PLB1: variants seen among roughly 807,000 people sequenced by gnomAD.
The protein encoded by PLB1 is phospholipase B1.
PLB1 carries 242 observed loss-of-function variants against 227.4 expected under a neutral mutation model. That is an observed-to-expected ratio of 1.06 (90% CI 0.96 to 1.18). The LOEUF is 1.18. Among genes scored for constraint, PLB1 ranks in the 50% most tolerant of loss-of-function variants. The pLI, the probability that PLB1 is intolerant of heterozygous loss-of-function variation, is 0.00. For missense variants in PLB1, 1,858 were observed against 1,816.3 expected (o/e 1.02, Z -0.42); for synonymous variants, 757 against 682.2 (o/e 1.11, Z -1.71).
intron 2 of PLB1, among the ~76,000 whole-genome samples, chr2:28,517,701 G>T (rs933048845): frequency 6.6e-6 from 1 of 152,010 alleles, no homozygotes; most frequent in Non-Finnish European, 1.5e-5. Flanking sequence ...TTTAGTCAAG[G>T]TATCTTGAGT....
intron 26 of PLB1, among the ~76,000 whole-genome samples, chr2:28,586,897 G>A (rs1319049859): frequency 6.6e-6 from 1 of 152,172 alleles, no homozygotes; most frequent in East Asian, 1.9e-4. Flanking sequence ...ACAGGTGTGT[G>A]CCACCACACC....
intron 23 of PLB1, 60 bp from the exon 24 acceptor site, chr2:28,582,008 C>A: frequency 6.7e-7 from 1 of 1,501,730 alleles, no homozygotes. Flanking sequence ...GAAAGTAGCC[C>A]TGTTCTGTAG....
At chr2:28,619,529 T>G (rs945044797) in intron 46 of PLB1, among the ~76,000 whole-genome samples, 9 of 151,618 alleles carry the variant, frequency 5.9e-5, no homozygotes, top group Non-Finnish European at 8.8e-5. Context: ...GTTTTGTTTT[T>G]TTTTTTTTTT....
chr2:28,579,944 G>C (rs1463132265), intron 23 of PLB1, among the ~76,000 whole-genome samples: 1 of 152,216 alleles, frequency 6.6e-6, no homozygotes, highest in East Asian at 1.9e-4. Flanking sequence ...TATCAAGGGA[G>C]CTTGATCATA....
intron 56 of PLB1, among the ~76,000 whole-genome samples, chr2:28,637,708 T>C (rs1689531612): frequency 6.6e-6 from 1 of 152,222 alleles, no homozygotes; most frequent in South Asian, 2.1e-4. Flanking sequence ...CTGCACCACC[T>C]GTGGTGTTAC....
intron 32 of PLB1, among the ~76,000 whole-genome samples, chr2:28,593,474 A>G (rs902524537): frequency 6.6e-6 from 1 of 152,208 alleles, no homozygotes; most frequent in African/African-American, 2.4e-5. Context: ...GCGTGTCCTC[A>G]GCTCAGCGAG....
chr2:28,508,139 C>G (rs1667835609), intron 1 of PLB1, among the ~76,000 whole-genome samples: 1 of 152,208 alleles, frequency 6.6e-6, no homozygotes, highest in South Asian at 2.1e-4. Flanking sequence ...TTCAAAGAGA[C>G]TTTGGTCTCA....
chr2:28,581,929 C>T, intron 23 of PLB1, 139 bp from the exon 24 acceptor site: 1 of 726,936 alleles, frequency 1.4e-6, no homozygotes, highest in South Asian at 1.9e-5. Flanking sequence ...CCACTGCACT[C>T]CAGCCCGGGA....
intron 20 of PLB1, among the ~76,000 whole-genome samples, chr2:28,568,262 A>C (rs1195155118): frequency 2.6e-5 from 4 of 152,202 alleles, no homozygotes; most frequent in African/African-American, 9.6e-5. Context: ...GGGATGGCCC[A>C]ATGTATGCAA....
intron 21 of PLB1, among the ~76,000 whole-genome samples, chr2:28,576,441 G>A (rs1420819182): frequency 6.6e-6 from 1 of 152,200 alleles, no homozygotes; most frequent in Non-Finnish European, 1.5e-5. Context: ...TGATAAAACT[G>A]AGCTTCAGCC....
intron 20 of PLB1, among the ~76,000 whole-genome samples, chr2:28,572,887 A>T (rs1189682167): frequency 6.6e-6 from 1 of 152,230 alleles, no homozygotes; most frequent in East Asian, 1.9e-4. Context: ...TTCAATTGGT[A>T]AATTTTATGG....
chr2:28,598,932 A>C (rs1683424101), intron 35 of PLB1, among the ~76,000 whole-genome samples, 172 bp downstream of exon 35: 1 of 152,198 alleles, frequency 6.6e-6, no homozygotes, highest in African/African-American at 2.4e-5. Context: ...TAGGCCAGAG[A>C]GGCTGTGGCC....
chr2:28,581,935 C>T (rs1293443508), intron 23 of PLB1, 133 bp from the exon 24 acceptor site: 30 of 763,254 alleles, frequency 3.9e-5, no homozygotes, highest in South Asian at 3.5e-4. Context: ...CACTCCAGCC[C>T]GGGAGACAGA....
At chr2:28,559,978 C>T (rs979654356) in intron 17 of PLB1, among the ~76,000 whole-genome samples, 4 of 152,082 alleles carry the variant, frequency 2.6e-5, no homozygotes, top group African/African-American at 7.2e-5. Flanking sequence ...TCTGAAACTC[C>T]TGACCTCAGG....
rs767792209 is a variant in PLB1 at position 28,529,793 on chromosome 2, C to T, written c.468+14C>T. 1.9e-6 allele frequency: 3 copies of T among 1,613,558 alleles called. No homozygotes were observed. In the African/African-American group the frequency reaches 4.0e-5, roughly 22 times the overall value. Reference sequence around the variant, plus strand: ...AAAGAGAACCTGGTAAGCATCCGTCCAACTCTGGCATGGCTGGGCTGCCTG... The same window carrying T: ...AAAGAGAACCTGGTAAGCATCCGTCTAACTCTGGCATGGCTGGGCTGCCTG... On this transcript the variant is annotated intron_variant, in intron 8 of 57. Coordinates refer to ENST00000327757, the MANE Select transcript of PLB1 (RefSeq NM_153021.5).
At chr2:28,603,067 C>G in intron 39 of PLB1, 146 bp downstream of exon 39, 1 of 687,998 alleles carries the variant, frequency 1.5e-6, no homozygotes, top group Non-Finnish European at 2.4e-6. Context: ...AGAACGTCCC[C>G]TTCCAGAGGC....
chr2:28,597,329 C>G (rs999915905), intron 33 of PLB1, among the ~76,000 whole-genome samples: 1 of 149,980 alleles, frequency 6.7e-6, no homozygotes, highest in Non-Finnish European at 1.5e-5. Flanking sequence ...AAAAGAGACA[C>G]AGAAGAAAAA....
At chr2:28,548,319 G>C (rs1044236147) in intron 14 of PLB1, among the ~76,000 whole-genome samples, 4 of 152,212 alleles carry the variant, frequency 2.6e-5, no homozygotes, top group African/African-American at 9.7e-5. Context: ...CGATGCATTT[G>C]CCCTTCCTTC....
At chr2:28,533,716 G>A (rs1432727399) in intron 9 of PLB1, among the ~76,000 whole-genome samples, 2 of 152,136 alleles carry the variant, frequency 1.3e-5, no homozygotes, top group Non-Finnish European at 2.9e-5. Context: ...TTTTTAAAAT[G>A]TATGAATGCA....
Sources: allele counts gnomAD v4.1 joint callset (sites outside exome capture counted in the v4.1 genomes callset), GRCh38; gene constraint gnomAD v4.1.1; transcripts MANE v1.5; gene names NCBI Gene and HGNC (gene_info 2026-07-23, HGNC 2026-07-21).